MECR: variants seen among roughly 807,000 people sequenced by gnomAD.
MECR encodes enoyl-[acyl-carrier-protein] reductase, mitochondrial.
In MECR, 37 loss-of-function variants were observed where a neutral mutation model predicts 49.1. The observed-to-expected ratio is 0.75, with a 90% CI of 0.58 to 0.99. MECR has a LOEUF of 0.99. Among genes scored for constraint, MECR ranks in the 50% least tolerant of loss-of-function variants. The pLI, the probability that MECR is intolerant of heterozygous loss-of-function variation, is 0.00. For missense variants in MECR, 470 were observed against 479.6 expected (o/e 0.98, Z 0.19); for synonymous variants, 198 against 191.1 (o/e 1.04, Z -0.30).
intron 1 of MECR, among the ~76,000 whole-genome samples, chr1:29,220,242 A>AC (rs1046061121): frequency 6.6e-6 from 1 of 151,062 alleles, no homozygotes; most frequent in East Asian, 1.9e-4. Context: ...AAAAAAAAAA[A>AC]ATACAAAAAT....
At chr1:29,202,787 A>G (rs1251982858) in intron 5 of MECR, among the ~76,000 whole-genome samples, 1 of 152,214 alleles carries the variant, frequency 6.6e-6, no homozygotes, top group African/African-American at 2.4e-5. Context: ...CACAGAAAGA[A>G]TAATACAGCT....
the MECR span, among the ~76,000 whole-genome samples, chr1:29,178,504 C>T: frequency 9.5e-4 from 144 of 152,066 alleles, no homozygotes; most frequent in Middle Eastern, 3.4e-3. Flanking sequence ...CCACCATGCC[C>T]GGCTACTTTT....
At chr1:29,210,894 C>T (rs1466517368) in intron 3 of MECR, among the ~76,000 whole-genome samples, 5 of 152,126 alleles carry the variant, frequency 3.3e-5, no homozygotes, top group African/African-American at 1.2e-4. Flanking sequence ...ATCACTATGC[C>T]TAGTACACAG....
At chr1:29,192,412 C>T (rs1178571986), downstream of MECR, among the ~76,000 whole-genome samples, 1 of 152,154 alleles carries the variant, frequency 6.6e-6, no homozygotes, top group Non-Finnish European at 1.5e-5. Flanking sequence ...TTCCTTGATG[C>T]CCTCGGGCAG....
intron 1 of MECR, among the ~76,000 whole-genome samples, chr1:29,227,401 T>G (rs186858509): frequency 6.6e-6 from 1 of 152,338 alleles, no homozygotes; most frequent in East Asian, 1.9e-4. Context: ...AGTTTAATCT[T>G]TTAAATAAAA....
chr1:29,179,396 G>C, the MECR span, among the ~76,000 whole-genome samples: 7 of 152,162 alleles, frequency 4.6e-5, no homozygotes, highest in African/African-American at 1.7e-4. Flanking sequence ...GGGTCTTGCT[G>C]TTACCCAGAC....
rs1459931852 is a variant in MECR, at chr1:29,194,140, A to T, written c.1004T>A (p.Ile335Asn). Reference sequence around the variant, plus strand: ...AGGGGCTGTGAGCTGGCCTCGGCGGATGAGATCGCACAGTGTGAGGATCAG... The same window carrying T: ...AGGGGCTGTGAGCTGGCCTCGGCGGTTGAGATCGCACAGTGTGAGGATCAG... ...KELILTLCDL[I>N]RRGQLTAPAC... Residue 335 changes from isoleucine (I) to asparagine (N), a missense_variant, in exon 10 of 10, where the codon ATC becomes AAC. Coordinates refer to ENST00000263702, the MANE Select transcript of MECR (RefSeq NM_016011.5). 9 of 1,613,750 alleles carry T rather than the reference A, an allele frequency of 5.6e-6. No homozygotes were observed. In the Admixed American group the frequency reaches 1.3e-4, roughly 24 times the overall value.
chr1:29,203,436 C>A (rs1675826075), intron 4 of MECR, among the ~76,000 whole-genome samples: 1 of 150,974 alleles, frequency 6.6e-6, no homozygotes, highest in Non-Finnish European at 1.5e-5. Context: ...ACTCACGATG[C>A]CTCCCAGGAC....
At chr1:29,229,322 C>T (rs921510964) in intron 1 of MECR, among the ~76,000 whole-genome samples, 3 of 152,076 alleles carry the variant, frequency 2.0e-5, no homozygotes, top group African/African-American at 7.2e-5. Context: ...CCTGCCTCAG[C>T]CTCCTGAGTA....
intron 3 of MECR, among the ~76,000 whole-genome samples, chr1:29,215,214 C>T (rs574116186): frequency 6.6e-6 from 1 of 152,310 alleles, no homozygotes; most frequent in East Asian, 1.9e-4. Context: ...CACCATTTCC[C>T]AATCTCACCT....
rs550145837 is a variant in MECR at position 29,201,315 on chromosome 1, T to C, written c.756+628A>G. 2.1e-4 allele frequency: 105 copies of C among 509,882 alleles called. No homozygotes were observed. The highest frequency in any genetic ancestry group is 1.9e-3 in the African/African-American group (96 of 50,598). The allele number at this position is 509,882 out of a possible 1,614,324, so 31.6% of individuals were successfully genotyped here. On this transcript the variant is annotated intron_variant, in intron 6 of 9. Transcript: ENST00000263702. This position sits in a 1 kb window ranked among gnomAD's most constrained non-coding sequence, Gnocchi z 4.3. ...CGCAAGAAGCGCATGCTCTTGAGTG[T>C]GTGTCTTTGGTTCCTCCAGATGGTT...
chr1:29,225,498 G>A (rs1681823019), intron 1 of MECR, among the ~76,000 whole-genome samples: 1 of 152,054 alleles, frequency 6.6e-6, no homozygotes. Context: ...TTACCCCACT[G>A]GACTATGGCG....
At chr1:29,198,001 T>C (rs1173800048) in intron 7 of MECR, among the ~76,000 whole-genome samples, 1 of 152,206 alleles carries the variant, frequency 6.6e-6, no homozygotes, top group African/African-American at 2.4e-5. Flanking sequence ...AGACAATTTT[T>C]CCATGGACTG....
chr1:29,216,938 C>T (rs968683039), intron 1 of MECR: 6 of 609,456 alleles, frequency 9.8e-6, no homozygotes, highest in Non-Finnish European at 1.4e-5. Flanking sequence ...AGTTCAAGAC[C>T]AGCCTGGCCA....
At chr1:29,190,665 G>A (rs575962477), downstream of MECR, among the ~76,000 whole-genome samples, 1 of 150,920 alleles carries the variant, frequency 6.6e-6, no homozygotes, top group East Asian at 2.0e-4. Flanking sequence ...CGTGGTGGCA[G>A]GTAATCCCAG....
intron 3 of MECR, among the ~76,000 whole-genome samples, chr1:29,211,987 C>A (rs184611404): frequency 6.6e-6 from 1 of 152,324 alleles, no homozygotes; most frequent in African/African-American, 2.4e-5. Context: ...AGAAGAAAGA[C>A]CATGTCTGTT....
At chr1:29,181,913 C>G in the MECR span, 4 of 469,440 alleles carry the variant, frequency 8.5e-6, no homozygotes, top group Non-Finnish European at 1.4e-5. Context: ...CTCGCGAGCG[C>G]GCGCTTCCAC....
intron 1 of MECR, among the ~76,000 whole-genome samples, chr1:29,229,621 G>A (rs1682962650): frequency 6.6e-6 from 1 of 152,190 alleles, no homozygotes; most frequent in Non-Finnish European, 1.5e-5. Flanking sequence ...GAGTATGCAG[G>A]TGTTTTTTGG....
Position 29,206,216 on chromosome 1 carries a change from C to T in MECR, c.550+546G>A, listed in dbSNP as rs573579511. On this transcript the variant is annotated intron_variant, in intron 4 of 9. Transcript: ENST00000263702. ...TCTGATGATTTGAGAGGCAAATTCACAGTCAGGGAAAGGTGAAGCCTGGGG... is the reference window on the plus strand; with the variant it reads ...TCTGATGATTTGAGAGGCAAATTCATAGTCAGGGAAAGGTGAAGCCTGGGG... 5.3e-5 allele frequency among the ~76,000 whole-genome samples: 8 copies of T among 152,308 alleles called. No homozygotes were observed. The South Asian group carries it at 1.4e-3, about 28-fold the overall frequency.
Sources: gnomAD v4.1 joint callset for allele counts (sites outside exome capture counted in the v4.1 genomes callset) on GRCh38, gnomAD v4.1.1 for gene constraint, Gnocchi (gnomAD v3.1) non-coding constraint, MANE v1.5 for transcripts, NCBI Gene and HGNC (gene_info 2026-07-23, HGNC 2026-07-21) for gene names.